Variants in MCPH1 observed in about 807,000 individuals in gnomAD.
MCPH1 encodes microcephalin 1.
A neutral mutation model predicts 84.5 loss-of-function variants in MCPH1; 104 were observed. The observed-to-expected ratio is 1.23, with a 90% CI of 1.05 to 1.45. The LOEUF is 1.45. MCPH1 is among the 40% of genes most tolerant of loss of function. MCPH1 has a pLI of 0.00. For missense variants in MCPH1, 1,498 were observed against 1,005.7 expected, an observed-to-expected ratio of 1.49 and a Z score of -6.62; for synonymous variants, 514 against 366.8, an observed-to-expected ratio of 1.40 and a Z score of -4.58.
chr8:6,537,330 G>A (rs1820681212), intron 12 of MCPH1, among the ~76,000 whole-genome samples: 1 of 152,092 alleles, frequency 6.6e-6, no homozygotes, highest in Non-Finnish European at 1.5e-5. Flanking sequence ...GGTTGACACA[G>A]TCGGCAAAGT....
At chr8:6,566,109 G>T (rs1826131674) in intron 12 of MCPH1, among the ~76,000 whole-genome samples, 1 of 152,212 alleles carries the variant, frequency 6.6e-6, no homozygotes, top group Non-Finnish European at 1.5e-5. Flanking sequence ...AGCGTGCTGG[G>T]CTCCAATAAA....
intron 11 of MCPH1, among the ~76,000 whole-genome samples, chr8:6,489,505 C>G (rs1586074026): frequency 6.6e-6 from 1 of 152,060 alleles, no homozygotes; most frequent in African/African-American, 2.4e-5. Flanking sequence ...TGTCAGAGAC[C>G]TTGAAAAAAG....
intron 12 of MCPH1, chr8:6,616,022 G>T (rs1269407494): frequency 1.3e-5 from 2 of 152,206 alleles, no homozygotes; most frequent in African/African-American, 4.8e-5. Flanking sequence ...GAACCACTGA[G>T]TTGCACCCAG....
chr8:6,447,728 T>C (rs1013808791), intron 8 of MCPH1, among the ~76,000 whole-genome samples: 7 of 152,140 alleles, frequency 4.6e-5, no homozygotes, highest in African/African-American at 1.7e-4. Context: ...TTTGTTGTAT[T>C]TTTAGTAGAG....
chr8:6,553,409 A>T (rs1252138118), intron 12 of MCPH1, among the ~76,000 whole-genome samples: 2 of 152,220 alleles, frequency 1.3e-5, no homozygotes, highest in African/African-American at 2.4e-5. Flanking sequence ...TTACATAGTT[A>T]AAAGTACACT....
chr8:6,445,876 C>T (rs755754767), intron 8 of MCPH1: 9 of 1,057,554 alleles, frequency 8.5e-6, no homozygotes, highest in Middle Eastern at 4.4e-4. Context: ...GGAGTCTTGG[C>T]GCTGCAGCGT....
At chr8:6,573,718 C>T (rs1186232081) in intron 12 of MCPH1, among the ~76,000 whole-genome samples, 2 of 152,176 alleles carry the variant, frequency 1.3e-5, no homozygotes, top group Non-Finnish European at 2.9e-5. Context: ...GAAGGCTCTA[C>T]CCCAGTGTCA....
At chr8:6,516,134 T>G (rs1352358853) in intron 12 of MCPH1, among the ~76,000 whole-genome samples, 2 of 152,220 alleles carry the variant, frequency 1.3e-5, no homozygotes, top group Non-Finnish European at 2.9e-5. Context: ...AAGTTACATT[T>G]ATTAAGAAGA....
At chr8:6,425,098 C>G (rs984255610) in intron 3 of MCPH1, among the ~76,000 whole-genome samples, 4 of 152,074 alleles carry the variant, frequency 2.6e-5, no homozygotes, top group South Asian at 2.1e-4. Flanking sequence ...GTCGGTGGTT[C>G]CTGGCCGACC....
At chr8:6,607,790 C>T (rs956858574) in intron 12 of MCPH1, among the ~76,000 whole-genome samples, 9 of 152,168 alleles carry the variant, frequency 5.9e-5, no homozygotes, top group African/African-American at 1.9e-4. Context: ...CACCTTCTGC[C>T]GTGATTGTGA....
chr8:6,510,701 G>A (rs2515418), intron 12 of MCPH1, among the ~76,000 whole-genome samples: 58,668 of 152,008 alleles, frequency 0.39, 11,790 homozygotes, highest in Middle Eastern at 0.5. Flanking sequence ...TGCCTCTGCC[G>A]TGTTTCAACA....
intron 12 of MCPH1, among the ~76,000 whole-genome samples, chr8:6,551,720 T>C: frequency 6.6e-6 from 1 of 152,200 alleles, no homozygotes; most frequent in East Asian, 1.9e-4. Flanking sequence ...ACCTATTCCT[T>C]AATAGTTAAA....
chr8:6,496,256 A>G (rs138324500), intron 11 of MCPH1, among the ~76,000 whole-genome samples: 1 of 152,150 alleles, frequency 6.6e-6, no homozygotes, highest in African/African-American at 2.4e-5. Context: ...CCTCATCTGC[A>G]CAGTTCACAA....
intron 13 of MCPH1, among the ~76,000 whole-genome samples, chr8:6,623,804 G>A (rs1466684811): frequency 2.0e-5 from 3 of 148,822 alleles, no homozygotes; most frequent in African/African-American, 7.5e-5. Context: ...AACATCCTAT[G>A]TTCTGAAACA....
intron 12 of MCPH1, among the ~76,000 whole-genome samples, chr8:6,534,339 T>C (rs1390466159): frequency 6.6e-6 from 1 of 151,826 alleles, no homozygotes; most frequent in Non-Finnish European, 1.5e-5. Flanking sequence ...TACGAGAGGA[T>C]GTGTATAGGT....
At chr8:6,550,572 T>G (rs960920149) in intron 12 of MCPH1, among the ~76,000 whole-genome samples, 1 of 152,248 alleles carries the variant, frequency 6.6e-6, no homozygotes, top group African/African-American at 2.4e-5. Context: ...AGGGGTGTGC[T>G]TCTGGTGTGA....
At chr8:6,475,525 A>G (rs1414094367) in intron 9 of MCPH1, among the ~76,000 whole-genome samples, 4 of 152,214 alleles carry the variant, frequency 2.6e-5, no homozygotes, top group Non-Finnish European at 5.9e-5. Flanking sequence ...CTGGTTCTTC[A>G]GATGGAATGT....
intron 12 of MCPH1, chr8:6,513,748 C>A: frequency 6.2e-7 from 1 of 1,613,986 alleles, no homozygotes; most frequent in Non-Finnish European, 8.5e-7. Context: ...CCTTCCCAGT[C>A]TTTAAGGTGT....
At chr8:6,538,363 C>G (rs2922878) in intron 12 of MCPH1, among the ~76,000 whole-genome samples, 6,001 of 152,322 alleles carry the variant, frequency 0.039, 384 homozygotes, top group African/African-American at 0.14. Flanking sequence ...GGCCACGCAT[C>G]CCCCAGCTGC....
Sources: gnomAD v4.1 joint callset for allele counts (sites outside exome capture counted in the v4.1 genomes callset) on GRCh38, gnomAD v4.1.1 for gene constraint, MANE v1.5 for transcripts, NCBI Gene and HGNC (gene_info 2026-07-23, HGNC 2026-07-21) for gene names.